Variants in CDKAL1 observed in about 807,000 individuals in gnomAD.
CDKAL1 encodes CDKAL1 threonylcarbamoyladenosine tRNA methylthiotransferase, also known as threonylcarbamoyladenosine tRNA methylthiotransferase.
Under a neutral mutation model 68.2 loss-of-function variants are expected in CDKAL1, and 32 were observed. The ratio of observed to expected loss-of-function variants is 0.47; its 90% CI spans 0.35 to 0.63. CDKAL1 has a LOEUF of 0.63. Ranked by LOEUF, CDKAL1 falls within the 30% of genes least tolerant of loss-of-function variation. The pLI, the probability that CDKAL1 is intolerant of heterozygous loss-of-function variation, is 0.00. For missense variants in CDKAL1, 606 were observed against 696.7 expected (o/e 0.87, Z 1.47); for synonymous variants, 234 against 244.3 (o/e 0.96, Z 0.39).
At chr6:21,014,472 G>A (rs746632991) in intron 11 of CDKAL1, among the ~76,000 whole-genome samples, 9 of 151,666 alleles carry the variant, frequency 5.9e-5, no homozygotes, top group East Asian at 3.9e-4. Flanking sequence ...TTAGCTGGGC[G>A]TGGCAGTGGG....
chr6:20,794,204 A>G (rs1465986044), intron 8 of CDKAL1, among the ~76,000 whole-genome samples: 1 of 151,796 alleles, frequency 6.6e-6, no homozygotes, highest in Non-Finnish European at 1.5e-5. Context: ...TTTGACTTTT[A>G]TGTAAGAATC....
intron 9 of CDKAL1, among the ~76,000 whole-genome samples, chr6:20,899,320 C>T (rs1054252035): frequency 2.6e-5 from 4 of 152,046 alleles, no homozygotes; most frequent in African/African-American, 9.7e-5. Flanking sequence ...GCCTCGGCCT[C>T]CCAAAGTGCT....
At chr6:20,778,944 T>G (rs1775296324) in intron 7 of CDKAL1, among the ~76,000 whole-genome samples, 2 of 152,200 alleles carry the variant, frequency 1.3e-5, no homozygotes, top group Non-Finnish European at 2.9e-5. Flanking sequence ...AAAATATCCG[T>G]GTACCTTGTG....
At chr6:21,167,171 C>T (rs1204372729) in intron 13 of CDKAL1, among the ~76,000 whole-genome samples, 7 of 152,210 alleles carry the variant, frequency 4.6e-5, no homozygotes, top group Non-Finnish European at 8.8e-5. Flanking sequence ...ATGGCATATC[C>T]TGTAGTTCTA....
chr6:20,720,451 C>A (rs1354355865), intron 5 of CDKAL1, among the ~76,000 whole-genome samples: 1 of 152,178 alleles, frequency 6.6e-6, no homozygotes, highest in African/African-American at 2.4e-5. Context: ...TGTGTTCTTA[C>A]CCTTTAAGCC....
intron 4 of CDKAL1, among the ~76,000 whole-genome samples, chr6:20,596,390 G>A (rs1436872973): frequency 6.6e-6 from 1 of 152,186 alleles, no homozygotes; most frequent in Non-Finnish European, 1.5e-5. Context: ...GAGGCAGTCT[G>A]GCTACAGCGG....
intron 9 of CDKAL1, among the ~76,000 whole-genome samples, chr6:20,877,778 T>C (rs142954369): frequency 8.2e-4 from 125 of 152,346 alleles, no homozygotes; most frequent in African/African-American, 2.9e-3. Flanking sequence ...TATCCTGTTT[T>C]GACTTGGCCC....
intron 2 of CDKAL1, among the ~76,000 whole-genome samples, chr6:20,540,339 CT>C (rs1392952508): frequency 7.9e-5 from 12 of 151,376 alleles, no homozygotes; most frequent in African/African-American, 2.7e-4. Context: ...TCCCAAAGTG[CT>C]GGGATTACAA....
At chr6:20,882,002 A>G (rs548526976) in intron 9 of CDKAL1, among the ~76,000 whole-genome samples, 2 of 152,282 alleles carry the variant, frequency 1.3e-5, no homozygotes, top group East Asian at 3.9e-4. Flanking sequence ...TGCCCTTTCC[A>G]GATATCATAT....
chr6:21,077,712 C>G (rs1313487242), intron 12 of CDKAL1, among the ~76,000 whole-genome samples: 1 of 152,208 alleles, frequency 6.6e-6, no homozygotes, highest in East Asian at 1.9e-4. Flanking sequence ...GCCCCCATGA[C>G]CCAGTCACCT....
At chr6:20,992,189 A>T (rs756205740) in intron 10 of CDKAL1, among the ~76,000 whole-genome samples, 2 of 139,704 alleles carry the variant, frequency 1.4e-5, no homozygotes. Context: ...GACCATAGTC[A>T]GCTTTTTTAT....
chr6:20,736,348 A>G (rs1773192890), intron 5 of CDKAL1, among the ~76,000 whole-genome samples: 1 of 152,204 alleles, frequency 6.6e-6, no homozygotes, highest in Middle Eastern at 3.2e-3. Context: ...TGGTCCCTTT[A>G]TAGAAAAGTT....
At chr6:20,886,731 A>G (rs1761085363) in intron 9 of CDKAL1, among the ~76,000 whole-genome samples, 1 of 152,198 alleles carries the variant, frequency 6.6e-6, no homozygotes, top group Non-Finnish European at 1.5e-5. Flanking sequence ...TACCAGGGAA[A>G]GGGTGAAGGG....
chr6:21,089,169 C>T (rs971268524), intron 12 of CDKAL1, among the ~76,000 whole-genome samples: 1 of 151,964 alleles, frequency 6.6e-6, no homozygotes, highest in African/African-American at 2.4e-5. Flanking sequence ...TTTTTAATTA[C>T]CATGCCTTAA....
At chr6:20,930,446 CTT>C in intron 9 of CDKAL1, among the ~76,000 whole-genome samples, 1 of 152,210 alleles carries the variant, frequency 6.6e-6, no homozygotes, top group African/African-American at 2.4e-5. Context: ...TTTATTGTAA[CTT>C]TACTGTCAAA....
rs1763806571 is a variant in CDKAL1 at position 20,938,105 on chromosome 6, GTTTTGGACTCATGGATATTTA to G, written c.743-17308_743-17288del. Among the ~76,000 whole-genome samples the G allele has an allele frequency of 1.3e-5, 2 of 151,918 alleles. 1 individual carries two copies. Among genetic ancestry groups the G allele is most frequent in the African/African-American group, 4.8e-5 (2 of 41,392 alleles). The stretch of plus-strand genomic sequence containing the variant: ...ATTTATTTTTTGAAATACCTTTTCT[GTTTTGGACTCATGGATATTTA>G]TTTTGTTCTATACTTTAAATTCTAC... On this transcript the variant is annotated intron_variant, in intron 9 of 15. Coordinates refer to ENST00000274695, the MANE Select transcript of CDKAL1 (RefSeq NM_017774.3).
At chr6:20,985,952 A>G (rs917309219) in intron 10 of CDKAL1, among the ~76,000 whole-genome samples, 5 of 151,530 alleles carry the variant, frequency 3.3e-5, no homozygotes, top group Non-Finnish European at 7.4e-5. Flanking sequence ...TTTTGTATCT[A>G]TTTATTTTTT....
intron 5 of CDKAL1, among the ~76,000 whole-genome samples, chr6:20,664,818 C>T (rs184760498): frequency 7.5e-4 from 114 of 152,064 alleles, no homozygotes; most frequent in Non-Finnish European, 1.3e-3. Context: ...ACTTGTATAT[C>T]GAGAAATTTG....
chr6:20,964,486 T>C (rs764394573), intron 10 of CDKAL1, among the ~76,000 whole-genome samples: 18 of 152,190 alleles, frequency 1.2e-4, no homozygotes, highest in Non-Finnish European at 1.5e-4. Flanking sequence ...AACGAAATCA[T>C]GTCCTTTGCA....
Sources: gnomAD v4.1 joint callset for allele counts (sites outside exome capture counted in the v4.1 genomes callset) on GRCh38, gnomAD v4.1.1 for gene constraint, MANE v1.5 for transcripts, NCBI Gene and HGNC (gene_info 2026-07-23, HGNC 2026-07-21) for gene names.